Variants in AMOTL1 observed in about 807,000 individuals in gnomAD.
AMOTL1 encodes the protein angiomotin-like protein 1.
A neutral mutation model predicts 102.9 loss-of-function variants in AMOTL1; 45 were observed. That is an observed-to-expected ratio of 0.44 (90% confidence interval 0.34 to 0.56). AMOTL1 has a LOEUF of 0.56. AMOTL1 is among the 20% of genes least tolerant of loss of function. The pLI, the probability that AMOTL1 is intolerant of heterozygous loss-of-function variation, is 0.01. For missense variants in AMOTL1, 1,114 were observed against 1,225.6 expected (o/e 0.91, Z 1.36); for synonymous variants, 481 against 484.7 (o/e 0.99, Z 0.10).
At chr11:94,723,135 A>G (rs1269460455) in intron 1 of AMOTL1, among the ~76,000 whole-genome samples, 1 of 152,088 alleles carries the variant, frequency 6.6e-6, no homozygotes, top group Non-Finnish European at 1.5e-5. Flanking sequence ...CCTTCATCCA[A>G]CAAGAATTAC....
intron 3 of AMOTL1, among the ~76,000 whole-genome samples, chr11:94,806,232 A>G (rs905076502): frequency 1.3e-5 from 2 of 152,220 alleles, no homozygotes; most frequent in African/African-American, 2.4e-5. Context: ...GTCCAGTCTA[A>G]ACATGAACAA....
In AMOTL1 at chr11:94,864,200, A is replaced by C. The variant is rs188038560; in HGVS notation, c.2136-535A>C. The stretch of plus-strand genomic sequence containing the variant: ...AACCTAAACTCTGATTGGAAAAGTG[A>C]GGTATAGGACAAGCATGAAAAAGTA... On this transcript the variant is annotated intron_variant, in intron 9 of 12. Coordinates refer to ENST00000433060, the MANE Select transcript of AMOTL1 (RefSeq NM_130847.3). 2.4e-3 allele frequency among the ~76,000 whole-genome samples: 372 copies of C among 152,210 alleles called. 1 individual carries two copies. The highest frequency in any genetic ancestry group is 6.6e-3 in the Admixed American group (101 of 15,290).
chr11:94,761,020 C>T (rs536426795), intron 3 of AMOTL1, among the ~76,000 whole-genome samples: 10 of 152,106 alleles, frequency 6.6e-5, no homozygotes, highest in Admixed American at 4.6e-4. Flanking sequence ...GCGATCTTCC[C>T]GTCTTGGCCT....
intron 3 of AMOTL1, among the ~76,000 whole-genome samples, chr11:94,750,186 A>G (rs186861192): frequency 2.0e-5 from 3 of 152,268 alleles, no homozygotes; most frequent in East Asian, 1.9e-4. Context: ...CTGCAGTTTT[A>G]TGGTCCAGGA....
In AMOTL1 at chr11:94,800,336, G is replaced by T. The variant is rs759126085; in HGVS notation, c.1121+25G>T. ...GGTGATTATCAACTGCAGACGTTTC[G>T]TGCGGCTTTTCAAAATTCAATAGTC... On this transcript the variant is annotated intron_variant, in intron 3 of 12. Transcript: ENST00000433060. 3.2e-6 allele frequency: 5 copies of T among 1,542,292 alleles called. No homozygotes were observed. The African/African-American group carries it at 6.9e-5, about 21-fold the overall frequency.
chr11:94,733,796 A>C (rs747686123), intron 2 of AMOTL1, among the ~76,000 whole-genome samples: 5 of 152,258 alleles, frequency 3.3e-5, no homozygotes, highest in Non-Finnish European at 7.3e-5. Flanking sequence ...ATCTGAGTGT[A>C]AGTCGGAAGT....
At chr11:94,815,496 A>T (rs1480187126) in intron 3 of AMOTL1, among the ~76,000 whole-genome samples, 1 of 152,136 alleles carries the variant, frequency 6.6e-6, no homozygotes, top group Non-Finnish European at 1.5e-5. Flanking sequence ...AATGTAGTGG[A>T]ATAAATGCCT....
intron 9 of AMOTL1, among the ~76,000 whole-genome samples, chr11:94,861,210 C>T (rs879225866): frequency 2.0e-5 from 3 of 152,140 alleles, no homozygotes; most frequent in Admixed American, 6.5e-5. Flanking sequence ...GGTGAAGTTC[C>T]GGGGTCCTGG....
At chr11:94,758,883 C>T (rs923714238) in intron 3 of AMOTL1, among the ~76,000 whole-genome samples, 9 of 152,114 alleles carry the variant, frequency 5.9e-5, no homozygotes, top group Admixed American at 5.9e-4. Context: ...CAAGGCCACG[C>T]TGCTCTCTGA....
At chr11:94,844,920 G>C (rs922668550) in intron 6 of AMOTL1, among the ~76,000 whole-genome samples, 1 of 152,132 alleles carries the variant, frequency 6.6e-6, no homozygotes, top group African/African-American at 2.4e-5. Context: ...CAGCTACATG[G>C]GGTAGGGAAA....
At chr11:94,850,053 C>T (rs961435251) in intron 6 of AMOTL1, 61 bp from the exon 7 acceptor site, 19 of 1,503,702 alleles carry the variant, frequency 1.3e-5, no homozygotes, top group Admixed American at 6.7e-5. Context: ...GTCGACTGGC[C>T]GTGAGCCCAG....
chr11:94,713,377 A>G (rs1274138570), intron 1 of AMOTL1, among the ~76,000 whole-genome samples: 1 of 151,970 alleles, frequency 6.6e-6, no homozygotes, highest in East Asian at 1.9e-4. Context: ...TTTACTTTCC[A>G]TATAAACTTT....
chr11:94,832,697 T>C (rs1952098013), intron 6 of AMOTL1, among the ~76,000 whole-genome samples: 1 of 152,232 alleles, frequency 6.6e-6, no homozygotes, highest in Non-Finnish European at 1.5e-5. Flanking sequence ...GTGGGTGCAA[T>C]AGATCTCACC....
chr11:94,850,473 C>T (rs1229285765), intron 7 of AMOTL1, among the ~76,000 whole-genome samples: 1 of 152,234 alleles, frequency 6.6e-6, no homozygotes, highest in Non-Finnish European at 1.5e-5. Context: ...ATGGGAATCC[C>T]ATCAGCAAAG....
At chr11:94,864,187 G>C (rs1288405003) in intron 9 of AMOTL1, among the ~76,000 whole-genome samples, 1 of 151,946 alleles carries the variant, frequency 6.6e-6, no homozygotes, top group Non-Finnish European at 1.5e-5. Flanking sequence ...CCTAAACTCT[G>C]ATTGGAAAAG....
chr11:94,710,086 C>G (rs1166735335), intron 1 of AMOTL1, among the ~76,000 whole-genome samples: 1 of 152,196 alleles, frequency 6.6e-6, no homozygotes, highest in Non-Finnish European at 1.5e-5. Context: ...CCATACCTAC[C>G]CACCCAACTC....
At chr11:94,859,808 C>T in intron 9 of AMOTL1, 93 bp downstream of exon 9, 2 of 1,324,394 alleles carry the variant, frequency 1.5e-6, no homozygotes, top group Non-Finnish European at 9.9e-7. Context: ...AAGGCCCATC[C>T]TAGGGAGTGA....
At chr11:94,840,817 G>A (rs1360673660) in intron 6 of AMOTL1, among the ~76,000 whole-genome samples, 2 of 150,694 alleles carry the variant, frequency 1.3e-5, no homozygotes, top group Admixed American at 6.6e-5. Flanking sequence ...ACCTATATTT[G>A]TTTTATACCT....
At chr11:94,854,514 G>A (rs888185561) in intron 8 of AMOTL1, among the ~76,000 whole-genome samples, 6 of 152,174 alleles carry the variant, frequency 3.9e-5, no homozygotes, top group Non-Finnish European at 8.8e-5. Flanking sequence ...TGCAGTGGCT[G>A]GTGAGGAGAC....
Sources: gnomAD v4.1 joint callset for allele counts (sites outside exome capture counted in the v4.1 genomes callset) on GRCh38, gnomAD v4.1.1 for gene constraint, MANE v1.5 for transcripts, NCBI Gene and HGNC (gene_info 2026-07-23, HGNC 2026-07-21) for gene names.